ALK: variants seen among roughly 807,000 people sequenced by gnomAD.
ALK encodes ALK receptor tyrosine kinase, also known as ALK tyrosine kinase receptor.
Under a neutral mutation model 163.1 loss-of-function variants are expected in ALK, and 74 were observed. The ratio of observed to expected loss-of-function variants is 0.45; its 90% confidence interval spans 0.38 to 0.55. The LOEUF (loss-of-function observed/expected upper bound fraction) is 0.55. Among genes scored for constraint, ALK ranks in the 20% least tolerant of loss-of-function variants. The pLI is 0.00. For missense variants in ALK, 2,063 were observed against 2,105.3 expected, an observed-to-expected ratio of 0.98 and a Z score of 0.39; for synonymous variants, 960 against 843.2, an observed-to-expected ratio of 1.14 and a Z score of -2.40.
At chr2:29,200,995 C>A (rs953403831) in intron 26 of ALK, among the ~76,000 whole-genome samples, 1 of 151,172 alleles carries the variant, frequency 6.6e-6, no homozygotes, top group Non-Finnish European at 1.5e-5. Flanking sequence ...TGAAGATAAT[C>A]TGATAAAAGA....
rs140606509 is a variant in ALK, at chr2:29,223,371, C to G, written c.3330G>C (p.Glu1110Asp). ...GKTSSISDLK[E>D]VPRKNITLIR... The stretch of plus-strand genomic sequence containing the variant: ...TGAGGGTGATGTTTTTCCGCGGCAC[C>G]TCCTTCAGGTCACTGATGGAGGAGG... The change falls in exon 20 of 29, where the codon GAG (glutamate) becomes GAC (aspartate). Residue 1110 changes from glutamate to aspartate, a missense_variant. Transcript: ENST00000389048. 54 of 1,614,056 alleles carry G rather than the reference C, an allele frequency of 3.3e-5. No individual in the cohort carries two copies. Among genetic ancestry groups the G allele is most frequent in the Non-Finnish European group, 4.5e-5 (53 of 1,180,042 alleles).
In ALK at chr2:29,664,117, A is replaced by G. The variant is rs114978583; in HGVS notation, c.952+30733T>C. 3.9e-3 allele frequency among the ~76,000 whole-genome samples: 596 copies of G among 152,242 alleles called. 4 individuals carry two copies. The highest frequency in any genetic ancestry group is 0.013 in the African/African-American group (560 of 41,554). ...TTTCTCCTACAAACAGCTCTGCTCC[A>G]ATTGCCAATGTCTCTGAGAGCCAGG... On this transcript the variant is annotated intron_variant, in intron 3 of 28. Transcript: ENST00000389048.
intron 3 of ALK, among the ~76,000 whole-genome samples, chr2:29,548,329 C>T (rs1354633087): frequency 2.0e-5 from 3 of 152,194 alleles, no homozygotes; most frequent in Admixed American, 1.3e-4. Flanking sequence ...AAAACTTAGC[C>T]GGGCGTGGTG....
In ALK at chr2:29,920,466, CG is replaced by C. The variant is rs2148443715; in HGVS notation, c.193del (p.Arg65ValfsTer16). 6.2e-7 allele frequency: 1 copy of C among 1,612,674 alleles called. No homozygotes were observed. Among genetic ancestry groups the C allele is most frequent in the Non-Finnish European group, 8.5e-7 (1 of 1,179,530 alleles). On this transcript the variant is annotated frameshift_variant, in exon 1 of 29. Transcript: ENST00000389048. LOFTEE classifies it high-confidence loss of function. ...CAGCAGTAGGTCCCGGGCGTAGACA[CG>C]GAAGAGCGAGGGCACCACGAAGTCA... ...AVDFVVPSLF[R>X]VYARDLLLPP...
intron 1 of ALK, among the ~76,000 whole-genome samples, chr2:29,798,471 T>C (rs1664378388): frequency 2.0e-5 from 3 of 152,246 alleles, no homozygotes; most frequent in Admixed American, 2.0e-4. Context: ...CATACATGAT[T>C]TGAAGAGATT....
intron 11 of ALK, among the ~76,000 whole-genome samples, chr2:29,268,875 G>T (rs1665307229): frequency 6.6e-6 from 1 of 152,210 alleles, no homozygotes. Context: ...AAAATGGGAA[G>T]AAAATGATGG....
At position 29,193,227 on chromosome 2, in the gene ALK, G is replaced by A. The variant is rs2148136879; in HGVS notation, c.4860C>T (p.Pro1620=). Reference sequence around the variant, plus strand: ...AGAAGTGAGTGTGCGACCGAGCTCAGGGCCCAGGCTGGTTCATGCTATTCT... The same window carrying A: ...AGAAGTGAGTGTGCGACCGAGCTCAAGGCCCAGGCTGGTTCATGCTATTCT... ...KSKNSMNQPG[P] The change falls in exon 29 of 29, where the codon CCC becomes CCT. Residue 1620 remains proline (P), a synonymous_variant. Coordinates refer to ENST00000389048, the MANE Select transcript of ALK (RefSeq NM_004304.5). 1 of 1,613,980 alleles carries A rather than the reference G, an allele frequency of 6.2e-7. No individual in the cohort carries two copies. Among genetic ancestry groups the A allele is most frequent in the Non-Finnish European group, 8.5e-7 (1 of 1,179,978 alleles).
intron 3 of ALK, among the ~76,000 whole-genome samples, chr2:29,558,527 C>G (rs1421280298): frequency 6.6e-6 from 1 of 152,078 alleles, no homozygotes; most frequent in African/African-American, 2.4e-5. Context: ...TTAAGGCCAC[C>G]AAGCCTTTGC....
intron 4 of ALK, among the ~76,000 whole-genome samples, chr2:29,427,414 G>T (rs920781106): frequency 1.3e-5 from 2 of 152,062 alleles, no homozygotes; most frequent in Admixed American, 6.5e-5. Context: ...TTAAAAAGTG[G>T]AGGGGAATAG....
At chr2:29,852,030 C>G (rs1666008559) in intron 1 of ALK, among the ~76,000 whole-genome samples, 1 of 152,166 alleles carries the variant, frequency 6.6e-6, no homozygotes, top group Non-Finnish European at 1.5e-5. Context: ...TCTGTTCTGG[C>G]CATATCTGCC....
intron 5 of ALK, among the ~76,000 whole-genome samples, chr2:29,343,817 G>A (rs185337425): frequency 1.4e-4 from 22 of 152,280 alleles, no homozygotes; most frequent in South Asian, 6.2e-4. Context: ...ATGGCACAAA[G>A]GGCTGCTTCA....
rs1320335594 is a variant in ALK at position 29,655,116 on chromosome 2, G to A, written c.952+39734C>T. Among the ~76,000 whole-genome samples the A allele has an allele frequency of 2.0e-5, 3 of 152,096 alleles. No homozygotes were observed. The South Asian group carries it at 6.2e-4, about 31-fold the overall frequency. ...TGTCCAAAAATACTAATAGGAAAGT[G>A]CAAAAACAAGAATAAGCCATGTCTG... On this transcript the variant is annotated intron_variant, in intron 3 of 28. Coordinates refer to ENST00000389048, the MANE Select transcript of ALK (RefSeq NM_004304.5).
At chr2:29,428,222 G>A (rs1215103823) in intron 4 of ALK, among the ~76,000 whole-genome samples, 2 of 151,770 alleles carry the variant, frequency 1.3e-5, no homozygotes, top group Non-Finnish European at 2.9e-5. Flanking sequence ...TAAGATACCA[G>A]AAAAATAAGA....
At chr2:29,493,227 A>G (rs1477611369) in intron 4 of ALK, among the ~76,000 whole-genome samples, 1 of 152,176 alleles carries the variant, frequency 6.6e-6, no homozygotes, top group African/African-American at 2.4e-5. Flanking sequence ...TGAAGACTGG[A>G]TGGCTATAGC....
At chr2:29,607,568 T>TAA (rs1477455506) in intron 3 of ALK, among the ~76,000 whole-genome samples, 6 of 152,160 alleles carry the variant, frequency 3.9e-5, no homozygotes, top group Admixed American at 3.9e-4. Context: ...TCCAGATAGC[T>TAA]AAAACCAATA....
chr2:29,723,777 A>G (rs1167276088), intron 1 of ALK, among the ~76,000 whole-genome samples: 2 of 152,232 alleles, frequency 1.3e-5, no homozygotes, highest in African/African-American at 4.8e-5. Context: ...CATTCTTAAA[A>G]TTGTATGCTC....
intron 26 of ALK, among the ~76,000 whole-genome samples, chr2:29,200,797 ACATATATATG>A: frequency 8.0e-6 from 1 of 124,610 alleles, no homozygotes; most frequent in Non-Finnish European, 1.7e-5. Context: ...ATACATGTAT[ACATATATATG>A]TGTGTATATA....
intron 1 of ALK, among the ~76,000 whole-genome samples, chr2:29,915,729 T>C (rs1342763483): frequency 1.3e-5 from 2 of 152,206 alleles, no homozygotes; most frequent in African/African-American, 4.8e-5. Flanking sequence ...TGATGGCATC[T>C]TCTCAAGACA....
At chr2:29,831,377 T>C (rs1184227437) in intron 1 of ALK, among the ~76,000 whole-genome samples, 1 of 151,466 alleles carries the variant, frequency 6.6e-6, no homozygotes, top group Non-Finnish European at 1.5e-5. Context: ...TGGGTTTTCA[T>C]TAGACTCCTA....
Sources: allele counts gnomAD v4.1 joint callset (sites outside exome capture counted in the v4.1 genomes callset), GRCh38; gene constraint gnomAD v4.1.1; transcripts MANE v1.5; gene names NCBI Gene and HGNC (gene_info 2026-07-23, HGNC 2026-07-21).